Variants in NHLH2 observed in about 807,000 individuals in gnomAD.
NHLH2 encodes nescient helix-loop-helix 2.
A neutral mutation model predicts 7.3 loss-of-function variants in NHLH2; 7 were observed. That is an observed-to-expected ratio of 0.96 (90% CI 0.55 to 1.81). The LOEUF (loss-of-function observed/expected upper bound fraction) is 1.81. Ranked by LOEUF, NHLH2 falls within the 40% of genes most tolerant of loss-of-function variation. NHLH2 has a pLI of 0.00. For missense variants in NHLH2, 155 were observed against 194.0 expected, an observed-to-expected ratio of 0.80 and a Z score of 1.19; for synonymous variants, 93 against 91.6, an observed-to-expected ratio of 1.01 and a Z score of -0.09.
downstream of NHLH2, among the ~76,000 whole-genome samples, chr1:115,834,199 C>T (rs947853917): frequency 9.2e-5 from 14 of 152,188 alleles, no homozygotes; most frequent in Non-Finnish European, 1.3e-4. Flanking sequence ...AATACTTTTA[C>T]CCTTGTTCTC....
At chr1:115,838,499 C>A in intron 2 of NHLH2, 119 bp from the exon 3 acceptor site, 1 of 1,174,202 alleles carries the variant, frequency 8.5e-7, no homozygotes, top group South Asian at 1.4e-5. Context: ...GCCCCCTCCC[C>A]ACAGCAGGCC....
At chr1:115,840,723 T>C (rs1651049205) in intron 1 of NHLH2, 179 bp from the exon 2 acceptor site, 1 of 162,416 alleles carries the variant, frequency 6.2e-6, no homozygotes, top group African/African-American at 2.5e-5. Context: ...AGGACAGAGA[T>C]GTGATCTTGC....
chr1:115,838,481 C>T, intron 2 of NHLH2, 101 bp from the exon 3 acceptor site: 3 of 1,364,892 alleles, frequency 2.2e-6, no homozygotes, highest in South Asian at 1.3e-5. Flanking sequence ...AGCGGACGCG[C>T]GGCCCGGGCC....
In NHLH2 at chr1:115,840,996, G is replaced by T. The variant is rs184201611; in HGVS notation, c.-386C>A. The T allele has an allele frequency of 5.2e-3, 863 of 167,192 alleles. 4 individuals are homozygous for T. Among genetic ancestry groups the T allele is most frequent in the Middle Eastern group, 0.02 (6 of 296 alleles). The allele number at this position is 167,192 out of a possible 1,614,324, so 10.4% of individuals were successfully genotyped here. A position where few individuals can be genotyped will look rare whatever the true frequency, so the allele number is the denominator to read the frequency against. ...AGTGGCTTGGAGATGCTTGGAGAAA[G>T]GTTGGTGAAAAGTGAACGTCTCCTG... is the stretch of plus-strand genomic sequence containing the variant. On this transcript the variant is annotated 5_prime_UTR_variant, in exon 1 of 3. Coordinates refer to ENST00000320238, the MANE Select transcript of NHLH2 (RefSeq NM_005599.3).
At position 115,837,874 on chromosome 1, in the gene NHLH2, G is replaced by C; in HGVS notation, c.*91C>G. ...GAGGCGGCCGTCTCGCTGGGCCACC[G>C]CAGCCTCCGCCACCCGAGCGACGGC... On this transcript the variant is annotated 3_prime_UTR_variant, in exon 3 of 3. Transcript: ENST00000320238. The C allele has an allele frequency of 7.2e-7, 1 of 1,392,810 alleles. No individual in the cohort carries two copies. Among genetic ancestry groups the C allele is most frequent in the Non-Finnish European group, 9.6e-7 (1 of 1,044,524 alleles). 86.3% of individuals were successfully genotyped at this position (1,392,810 alleles called of 1,614,324 possible).
downstream of NHLH2, among the ~76,000 whole-genome samples, chr1:115,832,451 C>T (rs1381004240): frequency 6.6e-6 from 1 of 152,146 alleles, no homozygotes; most frequent in African/African-American, 2.4e-5. Context: ...ATTATAAATA[C>T]AAAGGTAATG....
At position 115,838,167 on chromosome 1, in the gene NHLH2, C is replaced by A. The variant is rs765797948; in HGVS notation, c.206G>T (p.Arg69Leu). The change falls in exon 3 of 3, where the codon CGC becomes CTC. Residue 69 changes from arginine (R) to leucine (L), a missense_variant. Arg to Leu is a moderately radical substitution (Grantham distance 102). This residue lies in a region of NHLH2 where 64 missense variants were observed against 107.4 expected (regional missense o/e 0.60). Coordinates refer to ENST00000320238, the MANE Select transcript of NHLH2 (RefSeq NM_005599.3). ...HPQQLSREEKRRRRRATAKYR... is the reference protein window; with the variant it reads ...HPQQLSREEKLRRRRATAKYR... ...CTTGGCCGTGGCGCGCCGGCGGCGG[C>A]GCTTCTCCTCGCGGCTCAGCTGCTG... 6.3e-7 allele frequency: 1 copy of A among 1,579,354 alleles called. No individual in the cohort carries two copies. The highest frequency in any genetic ancestry group is 2.3e-5 in the East Asian group (1 of 42,842).
At position 115,837,980 on chromosome 1, in the gene NHLH2, G is replaced by A. The variant is rs761527985; in HGVS notation, c.393C>T (p.His131=). Residue 131 remains histidine, a synonymous_variant, in exon 3 of 3, where the codon CAC becomes CAT. Coordinates refer to ENST00000320238, the MANE Select transcript of NHLH2 (RefSeq NM_005599.3). ...LAICYISYLN[H]VLDV ...GCACCCCGCCCTACACGTCCAGGAC[G>A]TGGTTGAGATAGGAGATGTAGCAGA... The A allele has an allele frequency of 1.2e-6, 2 of 1,603,366 alleles. No homozygotes were observed. Among genetic ancestry groups the A allele is most frequent in the East Asian group, 2.3e-5 (1 of 43,318 alleles).
chr1:115,835,001 C>T (rs1650834421), downstream of NHLH2, among the ~76,000 whole-genome samples: 1 of 152,226 alleles, frequency 6.6e-6, no homozygotes, highest in Non-Finnish European at 1.5e-5. Context: ...CCATGCTTGT[C>T]TCTCTTGGAG....
chr1:115,838,512 C>A, intron 2 of NHLH2, 132 bp from the exon 3 acceptor site: 4 of 1,027,638 alleles, frequency 3.9e-6, no homozygotes, highest in Non-Finnish European at 5.7e-6. Flanking sequence ...AGCAGGCCGG[C>A]GCGCGACGCG....
downstream of NHLH2, among the ~76,000 whole-genome samples, chr1:115,835,167 T>C (rs1650837623): frequency 6.6e-6 from 1 of 152,198 alleles, no homozygotes; most frequent in Admixed American, 6.5e-5. Context: ...AGTGTATCAG[T>C]AGGTTCCTCC....
chr1:115,832,780 G>T (rs147390626), downstream of NHLH2, among the ~76,000 whole-genome samples: 1 of 152,194 alleles, frequency 6.6e-6, no homozygotes, highest in African/African-American at 2.4e-5. Context: ...TGAAAGAAAC[G>T]GAAAGCTTTG....
chr1:115,837,862 C>T lies in NHLH2; in HGVS notation c.*103G>A. 1.5e-6 allele frequency: 2 copies of T among 1,292,546 alleles called. No homozygotes were observed. The highest frequency in any genetic ancestry group is 2.1e-6 in the Non-Finnish European group (2 of 960,756). The allele number at this position is 1,292,546 out of a possible 1,614,324, so 80.1% of individuals were successfully genotyped here. On this transcript the variant is annotated 3_prime_UTR_variant, in exon 3 of 3. Transcript: ENST00000320238. ...CGGCCGTCTCTCGAGGCGGCCGTCT[C>T]GCTGGGCCACCGCAGCCTCCGCCAC...
At position 115,837,613 on chromosome 1, in the gene NHLH2, G is replaced by A; in HGVS notation, c.*352C>T. ...TCATTCTTTCAACACATTAAGATTT[G>A]TGGCGGATGAATGTAGGAGAACTCA... On this transcript the variant is annotated 3_prime_UTR_variant, in exon 3 of 3. Transcript: ENST00000320238. 3.7e-6 allele frequency: 1 copy of A among 273,674 alleles called. No homozygotes were observed. The allele number at this position is 273,674 out of a possible 1,614,324, so 17.0% of individuals were successfully genotyped here. A position where few individuals can be genotyped will look rare whatever the true frequency, so the allele number is the denominator to read the frequency against.
intron 2 of NHLH2, 111 bp downstream of exon 2, chr1:115,840,105 A>G (rs1478209696): frequency 1.2e-5 from 2 of 167,010 alleles, no homozygotes; most frequent in Non-Finnish European, 2.9e-5. Context: ...ATTCATAAAT[A>G]GTATGCCGTG....
downstream of NHLH2, among the ~76,000 whole-genome samples, chr1:115,832,143 C>T (rs76462084): frequency 0.028 from 4,271 of 152,178 alleles, 114 homozygotes; most frequent in Non-Finnish European, 0.04. Flanking sequence ...TCACAGCATT[C>T]GTGCTATGGG....
chr1:115,834,456 G>A (rs1570904818), downstream of NHLH2, among the ~76,000 whole-genome samples: 1 of 152,184 alleles, frequency 6.6e-6, no homozygotes, highest in Non-Finnish European at 1.5e-5. Context: ...GGGGCCAGCT[G>A]CGGAAAGGTA....
intron 2 of NHLH2, 99 bp from the exon 3 acceptor site, chr1:115,838,479 C>G: frequency 7.2e-7 from 1 of 1,393,440 alleles, no homozygotes; most frequent in Non-Finnish European, 9.9e-7. Context: ...CCAGCGGACG[C>G]GCGGCCCGGG....
intron 2 of NHLH2, chr1:115,839,114 G>T (rs946413520): frequency 6.0e-6 from 1 of 167,236 alleles, no homozygotes; most frequent in African/African-American, 2.4e-5. Flanking sequence ...CAGGCTCCCG[G>T]AGCACCATCT....
Sources: gnomAD v4.1 joint callset for allele counts (sites outside exome capture counted in the v4.1 genomes callset) on GRCh38, gnomAD v4.1.1 for gene constraint, gnomAD v4.1.1 regional missense constraint, MANE v1.5 for transcripts, NCBI Gene and HGNC (gene_info 2026-07-23, HGNC 2026-07-21) for gene names.